The following MAPKAP1 variants were observed in gnomAD, a reference collection of about 807,000 sequenced individuals.
MAPKAP1 encodes the protein target of rapamycin complex 2 subunit MAPKAP1.
A neutral mutation model predicts 65.7 loss-of-function variants in MAPKAP1; 20 were observed. The ratio of observed to expected loss-of-function variants is 0.30; its 90% CI spans 0.21 to 0.44. The LOEUF (loss-of-function observed/expected upper bound fraction) is 0.44. Ranked by LOEUF, MAPKAP1 falls within the 20% of genes least tolerant of loss-of-function variation. The pLI, the probability that MAPKAP1 is intolerant of heterozygous loss-of-function variation, is 1.00. For missense variants in MAPKAP1, 423 were observed against 648.0 expected, an observed-to-expected ratio of 0.65 and a Z score of 3.77; for synonymous variants, 222 against 244.3, an observed-to-expected ratio of 0.91 and a Z score of 0.85.
chr9:125,656,370 CA>C (rs1439904048), intron 4 of MAPKAP1, among the ~76,000 whole-genome samples: 1 of 152,168 alleles, frequency 6.6e-6, no homozygotes, highest in Non-Finnish European at 1.5e-5. Context: ...AGCTTTACAT[CA>C]ATACAGTCTA....
intron 11 of MAPKAP1, among the ~76,000 whole-genome samples, chr9:125,442,755 T>C (rs952120232): frequency 6.6e-6 from 1 of 152,182 alleles, no homozygotes; most frequent in Admixed American, 6.5e-5. Context: ...CTCCCTTTCA[T>C]CCAGCTAATC....
chr9:125,654,766 A>G (rs1833984756), intron 4 of MAPKAP1, among the ~76,000 whole-genome samples: 7 of 152,228 alleles, frequency 4.6e-5, no homozygotes, highest in Admixed American at 4.6e-4. Flanking sequence ...ATGAACTGTT[A>G]AGAACACTAT....
chr9:125,568,279 G>A (rs375076937), intron 5 of MAPKAP1, among the ~76,000 whole-genome samples: 4 of 152,136 alleles, frequency 2.6e-5, no homozygotes, highest in East Asian at 1.9e-4. Flanking sequence ...GGATTAATCC[G>A]CCTTGCACTC....
At chr9:125,591,247 C>T (rs762109446) in intron 4 of MAPKAP1, among the ~76,000 whole-genome samples, 1 of 152,186 alleles carries the variant, frequency 6.6e-6, no homozygotes, top group Admixed American at 6.5e-5. Flanking sequence ...TAAATGTAAT[C>T]AATTCCTACT....
intron 7 of MAPKAP1, among the ~76,000 whole-genome samples, chr9:125,507,060 C>T (rs896111718): frequency 2.6e-5 from 4 of 152,160 alleles, no homozygotes; most frequent in African/African-American, 9.7e-5. Context: ...ACAGTGGCTA[C>T]CGATTCACAT....
chr9:125,618,699 T>C (rs1315222218), intron 4 of MAPKAP1, among the ~76,000 whole-genome samples: 1 of 151,982 alleles, frequency 6.6e-6, no homozygotes, highest in Non-Finnish European at 1.5e-5. Flanking sequence ...ACACCTCAAA[T>C]ATGTTTTTCA....
At chr9:125,706,293 A>G (rs543115491) in intron 1 of MAPKAP1, among the ~76,000 whole-genome samples, 2 of 152,062 alleles carry the variant, frequency 1.3e-5, no homozygotes, top group South Asian at 4.2e-4. Context: ...CACACCTGGG[A>G]AAGTTTTGAA....
intron 9 of MAPKAP1, chr9:125,471,114 T>TA (rs890378975): frequency 1.1e-4 from 17 of 152,378 alleles, no homozygotes; most frequent in African/African-American, 3.8e-4. Flanking sequence ...CTCAGCTTCT[T>TA]AAGGCAGCGC....
chr9:125,474,741 T>C (rs912677233), intron 9 of MAPKAP1, among the ~76,000 whole-genome samples: 21 of 152,352 alleles, frequency 1.4e-4, no homozygotes, highest in African/African-American at 4.6e-4. Flanking sequence ...ATTCATGTCT[T>C]AGTGTATTTC....
chr9:125,458,790 C>T lies in MAPKAP1; in HGVS notation c.1345+9182G>A, dbSNP rs184781051. On this transcript the variant is annotated intron_variant, in intron 10 of 11. Coordinates refer to ENST00000265960, the MANE Select transcript of MAPKAP1 (RefSeq NM_001006617.3). ...GGGGCTCTTCACATCCCAGAAGGGGCGGCCGGGCAGAGGCGCCCCTCACCT... is the reference window on the plus strand; with the variant it reads ...GGGGCTCTTCACATCCCAGAAGGGGTGGCCGGGCAGAGGCGCCCCTCACCT... 4.0e-3 allele frequency among the ~76,000 whole-genome samples: 588 copies of T among 146,082 alleles called. 4 individuals are homozygous for T. The highest frequency in any genetic ancestry group is 7.9e-3 in the African/African-American group (310 of 39,190).
intron 5 of MAPKAP1, 101 bp from the exon 6 acceptor site, chr9:125,559,910 T>C (rs1830843614): frequency 8.6e-7 from 1 of 1,162,620 alleles, no homozygotes; most frequent in Admixed American, 2.7e-5. Context: ...AGACTGCTTT[T>C]CTTTACCCCA....
intron 1 of MAPKAP1, among the ~76,000 whole-genome samples, chr9:125,693,730 CATATATACACGT>C (rs1255557013): frequency 4.2e-4 from 57 of 134,880 alleles, no homozygotes; most frequent in African/African-American, 7.5e-4. Context: ...CGTATATACA[CATATATACACGT>C]ATATATACAC....
intron 4 of MAPKAP1, among the ~76,000 whole-genome samples, chr9:125,635,384 T>C (rs978091692): frequency 6.6e-6 from 1 of 152,190 alleles, no homozygotes; most frequent in Non-Finnish European, 1.5e-5. Flanking sequence ...TCCCAAACCA[T>C]CTTTTTCTTT....
At chr9:125,625,258 A>AAAAAAAAAAAAAAAAAAAAATT (rs1833078598) in intron 4 of MAPKAP1, among the ~76,000 whole-genome samples, 1 of 110,744 alleles carries the variant, frequency 9.0e-6, no homozygotes, top group Non-Finnish European at 1.8e-5. Flanking sequence ...AAATAAATAA[A>AAAAAAAAAAAAAAAAAAAAATT]AAAAAAAAAA....
Position 125,698,314 on chromosome 9 carries a change from T to TA in MAPKAP1, c.-70+8656dup, listed in dbSNP as rs1238328593. On this transcript the variant is annotated intron_variant, in intron 1 of 11. Transcript: ENST00000265960. ...ATATATATATATATATATATATATA[T>TA]ATATATATATATATATATATATAAA... Among the ~76,000 whole-genome samples, 15 of 56,318 alleles carry TA rather than the reference T, an allele frequency of 2.7e-4. No homozygotes were observed. In the South Asian group the frequency reaches 7.2e-3, roughly 27 times the overall value. The allele number at this position is 56,318 out of a possible 152,430, so 36.9% of individuals were successfully genotyped here.
chr9:125,445,424 C>T (rs376186038), intron 10 of MAPKAP1, among the ~76,000 whole-genome samples: 4 of 152,214 alleles, frequency 2.6e-5, no homozygotes, highest in African/African-American at 4.8e-5. Flanking sequence ...CTCACTGACC[C>T]GGATGGGAAA....
chr9:125,687,826 C>T (rs1042364891), intron 1 of MAPKAP1, among the ~76,000 whole-genome samples: 19 of 152,116 alleles, frequency 1.2e-4, no homozygotes, highest in East Asian at 5.8e-4. Context: ...CTAAAAAGCA[C>T]GACATAAATC....
At chr9:125,478,956 G>C (rs1374561617) in intron 9 of MAPKAP1, among the ~76,000 whole-genome samples, 4 of 152,168 alleles carry the variant, frequency 2.6e-5, no homozygotes, top group African/African-American at 9.7e-5. Flanking sequence ...CAGAGATTTA[G>C]CACAATGATT....
intron 1 of MAPKAP1, among the ~76,000 whole-genome samples, chr9:125,702,844 C>T (rs865889957): frequency 1.3e-5 from 2 of 150,278 alleles, no homozygotes; most frequent in South Asian, 2.1e-4. Flanking sequence ...AAGAGCGAGA[C>T]TTTGTCTCAA....
Sources: allele counts gnomAD v4.1 joint callset (sites outside exome capture counted in the v4.1 genomes callset), GRCh38; gene constraint gnomAD v4.1.1; transcripts MANE v1.5; gene names NCBI Gene and HGNC (gene_info 2026-07-23, HGNC 2026-07-21).